The following C5orf63 variants were observed in gnomAD, a reference collection of about 807,000 sequenced individuals.
C5orf63 encodes the protein glutaredoxin-like protein C5orf63.
Under a neutral mutation model 13.3 loss-of-function variants are expected in C5orf63, and 18 were observed. The ratio of observed to expected loss-of-function variants is 1.36; its 90% CI spans 0.94 to 2.01. The LOEUF (loss-of-function observed/expected upper bound fraction) is 2.01, where lower values mean the gene tolerates loss of function less well. C5orf63 is among the 30% of genes most tolerant of loss of function. The pLI is 0.00. For missense variants in C5orf63, 118 were observed against 127.7 expected (o/e 0.92, Z 0.36); for synonymous variants, 38 against 44.7 (o/e 0.85, Z 0.60).
In C5orf63 at chr5:127,061,700, A is replaced by G. The variant is rs533750174; in HGVS notation, c.-7-2698T>C. 1.9e-3 allele frequency among the ~76,000 whole-genome samples: 294 copies of G among 152,340 alleles called. 1 individual carries two copies. Among genetic ancestry groups the G allele is most frequent in the African/African-American group, 6.9e-3 (287 of 41,570 alleles). The stretch of plus-strand genomic sequence containing the variant: ...CTTCTAAACACAGCTTTGTCTACAC[A>G]GGCTATAAAAATGGGGAGGAGGTAC... On this transcript the variant is annotated intron_variant, in intron 2 of 4. Coordinates refer to ENST00000296662, the MANE Select transcript of C5orf63 (RefSeq NM_001164478.2).
rs890031756 is a variant in C5orf63, at chr5:127,061,422, A to C, written c.-7-2420T>G. Among the ~76,000 whole-genome samples, 3 of 152,232 alleles carry C rather than the reference A, an allele frequency of 2.0e-5. No homozygotes were observed. In the East Asian group the frequency reaches 5.8e-4, roughly 29 times the overall value. On this transcript the variant is annotated intron_variant, in intron 2 of 4. Transcript: ENST00000296662. ...AACAATGATTATTCCCTTATTCTTC[A>C]GCCCTTACTCTTCCACTTCTACTTG...
At chr5:127,054,500 T>C (rs1753802044) in intron 3 of C5orf63, among the ~76,000 whole-genome samples, 1 of 152,246 alleles carries the variant, frequency 6.6e-6, no homozygotes, top group Non-Finnish European at 1.5e-5. Flanking sequence ...TGATGAGCAT[T>C]TTTTCATGTG....
At position 127,065,114 on chromosome 5, in the gene C5orf63, T is replaced by C. The variant is rs186410801; in HGVS notation, c.-7-6112A>G. Among the ~76,000 whole-genome samples the C allele has an allele frequency of 4.1e-4, 63 of 152,332 alleles. No individual in the cohort carries two copies. The East Asian group carries it at 0.011, about 27-fold the overall frequency. On this transcript the variant is annotated intron_variant, in intron 2 of 4. Coordinates refer to ENST00000296662, the MANE Select transcript of C5orf63 (RefSeq NM_001164478.2). Reference sequence around the variant, plus strand: ...AGAATAACAAGATGTATTTCAGTTATACAGATTCAGGAGAAAGGTGTTGAA... The same window carrying C: ...AGAATAACAAGATGTATTTCAGTTACACAGATTCAGGAGAAAGGTGTTGAA...
chr5:127,051,490 A>G lies in C5orf63; in HGVS notation c.*281T>C. ...AGTGACTGTGAAGTGCTTCTCTATT[A>G]ATACAAAAAGGATAAATAAGACAAA... On this transcript the variant is annotated 3_prime_UTR_variant, in exon 5 of 5. Transcript: ENST00000296662. 8.1e-7 allele frequency: 1 copy of G among 1,235,012 alleles called. No individual in the cohort carries two copies. Among genetic ancestry groups the G allele is most frequent in the Non-Finnish European group, 1.0e-6 (1 of 989,898 alleles). The allele number at this position is 1,235,012 out of a possible 1,614,324, so 76.5% of individuals were successfully genotyped here.
intron 2 of C5orf63, among the ~76,000 whole-genome samples, chr5:127,061,107 A>G (rs774385337): frequency 1.3e-5 from 2 of 152,186 alleles, no homozygotes; most frequent in Non-Finnish European, 2.9e-5. Context: ...GGCCTATTCT[A>G]TATAATAACT....
chr5:127,047,925 A>T (rs1205463313), downstream of C5orf63: 2 of 675,846 alleles, frequency 3.0e-6, no homozygotes, highest in African/African-American at 3.6e-5. Flanking sequence ...GCTATGGGAG[A>T]AAGAAAAAGT....
At chr5:127,058,676 C>T (rs1753980782) in intron 3 of C5orf63, 2 of 534,088 alleles carry the variant, frequency 3.7e-6, no homozygotes, top group South Asian at 5.3e-5. Flanking sequence ...GGCCAGATGA[C>T]CATTAAATAC....
Position 127,063,580 on chromosome 5 carries a change from C to T in C5orf63, c.-7-4578G>A, listed in dbSNP as rs1207596681. Among the ~76,000 whole-genome samples the T allele has an allele frequency of 3.3e-5, 5 of 152,174 alleles. No individual in the cohort carries two copies. The South Asian group carries it at 1.0e-3, about 32-fold the overall frequency. Reference sequence around the variant, plus strand: ...CACCAAATTTTCAAGCTCATGTGATCCCTCATCAGCAAGCTGCAGTGTTAG... The same window carrying T: ...CACCAAATTTTCAAGCTCATGTGATTCCTCATCAGCAAGCTGCAGTGTTAG... On this transcript the variant is annotated intron_variant, in intron 2 of 4. Transcript: ENST00000296662.
At chr5:127,059,252 C>G (rs1160375663) in intron 2 of C5orf63, among the ~76,000 whole-genome samples, 1 of 152,146 alleles carries the variant, frequency 6.6e-6, no homozygotes, top group African/African-American at 2.4e-5. Flanking sequence ...TGCCTAATCA[C>G]TTGGTTTCTG....
chr5:127,060,708 C>T (rs956892159), intron 2 of C5orf63, among the ~76,000 whole-genome samples: 1 of 152,188 alleles, frequency 6.6e-6, no homozygotes, highest in Non-Finnish European at 1.5e-5. Flanking sequence ...ATTTCTTCCT[C>T]GTTTTGTACT....
At chr5:127,045,334 T>C (rs1393838428) in exon 5 of C5orf63, 1 of 152,188 alleles carries the variant, frequency 6.6e-6, no homozygotes, top group African/African-American at 2.4e-5. Flanking sequence ...CTATAGGGGA[T>C]AATCTGTTTT....
chr5:127,059,842 A>T (rs529114119), intron 2 of C5orf63, among the ~76,000 whole-genome samples: 2 of 152,028 alleles, frequency 1.3e-5, no homozygotes, highest in Non-Finnish European at 1.5e-5. Context: ...CTCCACTGTG[A>T]GACATAAGAA....
intron 3 of C5orf63, among the ~76,000 whole-genome samples, chr5:127,054,184 C>T (rs1753790175): frequency 6.6e-6 from 1 of 151,848 alleles, no homozygotes; most frequent in East Asian, 1.9e-4. Flanking sequence ...GTTTTTTAGA[C>T]CTGGGGTCCA....
chr5:127,060,093 G>A lies in C5orf63; in HGVS notation c.-7-1091C>T, dbSNP rs142134618. ...GTGGAGGTTGCAGTGAGCCGAGATCGCACCACTGTACTCCAACCTGGGCAA... is the reference window on the plus strand; with the variant it reads ...GTGGAGGTTGCAGTGAGCCGAGATCACACCACTGTACTCCAACCTGGGCAA... On this transcript the variant is annotated intron_variant, in intron 2 of 4. Transcript: ENST00000296662. Among the ~76,000 whole-genome samples, 1,270 of 152,048 alleles carry A rather than the reference G, an allele frequency of 8.4e-3. 24 individuals carry two copies. The highest frequency in any genetic ancestry group is 0.029 in the African/African-American group (1,184 of 41,472).
intron 2 of C5orf63, among the ~76,000 whole-genome samples, chr5:127,070,822 T>C (rs1451199616): frequency 6.6e-6 from 1 of 152,188 alleles, no homozygotes; most frequent in Non-Finnish European, 1.5e-5. Flanking sequence ...TTAGCTTGCA[T>C]ATTCTAAACA....
In C5orf63 at chr5:127,051,827, T is replaced by C. The variant is rs770435244; in HGVS notation, c.292A>G (p.Thr98Ala). The C allele has an allele frequency of 6.5e-7, 1 of 1,535,646 alleles. No homozygotes were observed. The highest frequency in any genetic ancestry group is 1.2e-5 in the South Asian group (1 of 83,660). ...GQFLMMHRVN[T>A]SKLEKQLLKL... is the part of the protein sequence containing the mutation. ...AGGAGCTGTTTTTCAAGTTTTGAGG[T>C]GTTTACTCGATGCATCATCAGAAAC... The change falls in exon 5 of 5, where the codon ACC becomes GCC. Residue 98 changes from threonine (T) to alanine (A), a missense_variant. Thr to Ala is a moderately conservative substitution (Grantham distance 58). Coordinates refer to ENST00000296662, the MANE Select transcript of C5orf63 (RefSeq NM_001164478.2).
chr5:127,053,343 G>T (rs1028380529), intron 3 of C5orf63, among the ~76,000 whole-genome samples: 2 of 151,766 alleles, frequency 1.3e-5, no homozygotes, highest in Non-Finnish European at 2.9e-5. Context: ...GAATACTATG[G>T]ATCGTCGGCA....
chr5:127,068,727 TCA>T (rs2126901758), intron 2 of C5orf63, among the ~76,000 whole-genome samples: 1 of 152,282 alleles, frequency 6.6e-6, no homozygotes, highest in East Asian at 1.9e-4. Context: ...ATCTTAGCAT[TCA>T]CACTTTCCAG....
intron 3 of C5orf63, 72 bp downstream of exon 3, chr5:127,058,810 C>G (rs1753985209): frequency 1.0e-6 from 1 of 988,774 alleles, no homozygotes; most frequent in African/African-American, 1.6e-5. Flanking sequence ...ATTGCCTTTC[C>G]TTTCAACTTT....
Sources: allele counts gnomAD v4.1 joint callset (sites outside exome capture counted in the v4.1 genomes callset), GRCh38; gene constraint gnomAD v4.1.1; transcripts MANE v1.5; gene names NCBI Gene and HGNC (gene_info 2026-07-23, HGNC 2026-07-21).